ITIH5: variants seen among roughly 807,000 people sequenced by gnomAD.
ITIH5 encodes the protein inter-alpha-trypsin inhibitor heavy chain H5.
A neutral mutation model predicts 77.5 loss-of-function variants in ITIH5; 65 were observed. The ratio of observed to expected loss-of-function variants is 0.84; its 90% CI spans 0.69 to 1.03. ITIH5 has a LOEUF of 1.03. Among genes scored for constraint, ITIH5 ranks in the 50% least tolerant of loss-of-function variants. The pLI is 0.00. For missense variants in ITIH5, 1,208 were observed against 1,213.1 expected (o/e 1.00, Z 0.06); for synonymous variants, 525 against 494.3 (o/e 1.06, Z -0.82).
intron 5 of ITIH5, among the ~76,000 whole-genome samples, chr10:7,625,457 G>T (rs1833560409): frequency 6.6e-6 from 1 of 152,128 alleles, no homozygotes; most frequent in Non-Finnish European, 1.5e-5. Flanking sequence ...ACTTAACACT[G>T]CCAAACACTT....
At position 7,641,980 on chromosome 10, in the gene ITIH5, G is replaced by A; in HGVS notation, c.246C>T (p.Asp82=). ...CTGGAATCTGCATCTGGAACTCAAT[G>A]TCCTGGTCTTCAGAAGCTCTGTTCA... ...RMLNRASEDQ[D]IEFQMQIPAA... The change falls in exon 3 of 14, where the codon GAC becomes GAT. Residue 82 remains aspartate, a synonymous_variant. Transcript: ENST00000397146. 3 of 1,614,084 alleles carry A rather than the reference G, an allele frequency of 1.9e-6. No individual in the cohort carries two copies. Among genetic ancestry groups the A allele is most frequent in the Admixed American group, 1.7e-5 (1 of 60,032 alleles).
chr10:7,597,044 C>CAAAAAAAAAAACAAAA (rs1832914713), intron 7 of ITIH5, among the ~76,000 whole-genome samples: 1 of 36,920 alleles, frequency 2.7e-5, no homozygotes, highest in Non-Finnish European at 6.3e-5. Context: ...GTCTCCAACT[C>CAAAAAAAAAAACAAAA]AAAAAAAAAA....
intron 7 of ITIH5, among the ~76,000 whole-genome samples, chr10:7,587,289 A>G (rs1276115273): frequency 2.6e-5 from 4 of 152,234 alleles, no homozygotes; most frequent in Non-Finnish European, 5.9e-5. Flanking sequence ...GAAATACTCT[A>G]GGGGCCTAGA....
At chr10:7,626,411 C>T (rs1833579473) in intron 5 of ITIH5, among the ~76,000 whole-genome samples, 1 of 152,178 alleles carries the variant, frequency 6.6e-6, no homozygotes, top group South Asian at 2.1e-4. Context: ...AAAACACAAC[C>T]AACTATGGGG....
intron 8 of ITIH5, among the ~76,000 whole-genome samples, chr10:7,580,789 A>C (rs554711155): frequency 6.6e-6 from 1 of 152,324 alleles, no homozygotes; most frequent in South Asian, 2.1e-4. Context: ...GTCTAGGGCT[A>C]GGTGGAGCTG....
intron 1 of ITIH5, among the ~76,000 whole-genome samples, chr10:7,657,457 G>C (rs2131110406): frequency 6.6e-6 from 1 of 151,070 alleles, no homozygotes; most frequent in South Asian, 2.1e-4. Context: ...ACAGAAAAGG[G>C]AAGAAAATAC....
intron 8 of ITIH5, among the ~76,000 whole-genome samples, 185 bp from the exon 9 acceptor site, chr10:7,580,249 T>C (rs1300054686): frequency 6.6e-6 from 1 of 152,136 alleles, no homozygotes; most frequent in Non-Finnish European, 1.5e-5. Context: ...GCCTCCCGAG[T>C]AGCTGGGATT....
At chr10:7,578,901 T>C (rs1460100406) in intron 9 of ITIH5, among the ~76,000 whole-genome samples, 1 of 152,250 alleles carries the variant, frequency 6.6e-6, no homozygotes, top group African/African-American at 2.4e-5. Context: ...AGATCTCATT[T>C]ATTCTCCACC....
chr10:7,577,247 A>G (rs1298960395), intron 9 of ITIH5, among the ~76,000 whole-genome samples: 2 of 152,004 alleles, frequency 1.3e-5, no homozygotes, highest in Admixed American at 1.3e-4. Context: ...TTTTTCAACC[A>G]CTCTCATGAT....
chr10:7,649,352 TTC>T (rs1266208154), intron 2 of ITIH5, among the ~76,000 whole-genome samples: 4 of 152,150 alleles, frequency 2.6e-5, no homozygotes, highest in Non-Finnish European at 5.9e-5. Flanking sequence ...TAGAAAGAGT[TTC>T]TATTTAGATC....
At chr10:7,656,017 T>C (rs934810021) in intron 1 of ITIH5, among the ~76,000 whole-genome samples, 3 of 152,188 alleles carry the variant, frequency 2.0e-5, no homozygotes, top group Non-Finnish European at 4.4e-5. Context: ...ATTTGGGGCC[T>C]CAAGTTAAAC....
chr10:7,645,344 C>G (rs1335084318), intron 2 of ITIH5, among the ~76,000 whole-genome samples: 1 of 151,958 alleles, frequency 6.6e-6, no homozygotes, highest in East Asian at 1.9e-4. Context: ...TTCAAAGTAG[C>G]GCTTCTCAAA....
rs779097410 is a variant in ITIH5, at chr10:7,566,039, C to T, written c.2518G>A (p.Gly840Arg). 6.2e-6 allele frequency: 10 copies of T among 1,613,536 alleles called. No individual in the cohort carries two copies. The highest frequency in any genetic ancestry group is 4.0e-5 in the African/African-American group (3 of 74,904). ...NSEGLSSNCH[G>R]LLGQFLNQDA... ...GAGCGCAGCTTCCTACCCAGCAGTC[C>T]GTGGCAGTTGCTGGAAAGGCCCTCG... Residue 840 changes from glycine (G) to arginine (R), a missense_variant, in exon 13 of 14, where the codon GGA (glycine) becomes AGA (arginine). Transcript: ENST00000397146.
chr10:7,572,162 C>T (rs987245811), intron 11 of ITIH5: 17 of 1,165,720 alleles, frequency 1.5e-5, no homozygotes, highest in African/African-American at 3.2e-5. Context: ...GCAGGCTGTG[C>T]GGACTCTATA....
chr10:7,577,145 C>A, intron 9 of ITIH5, 133 bp from the exon 10 acceptor site: 1 of 678,420 alleles, frequency 1.5e-6, no homozygotes, highest in East Asian at 2.8e-5. Context: ...AACATGGCAC[C>A]CCACACAATA....
intron 5 of ITIH5, among the ~76,000 whole-genome samples, chr10:7,632,323 G>A (rs571340062): frequency 2.6e-4 from 40 of 152,264 alleles, no homozygotes; most frequent in South Asian, 2.1e-3. Flanking sequence ...CTGCAAATGG[G>A]TACAGGGATC....
chr10:7,562,816 C>G lies in ITIH5; in HGVS notation c.*267G>C. The G allele has an allele frequency of 2.0e-6, 1 of 511,196 alleles. No homozygotes were observed. The highest frequency in any genetic ancestry group is 3.5e-6 in the Non-Finnish European group (1 of 282,104). 31.7% of individuals were successfully genotyped at this position (511,196 alleles called of 1,614,324 possible). A position where few individuals can be genotyped will look rare whatever the true frequency, so the allele number is the denominator to read the frequency against. Reference sequence around the variant, plus strand: ...AGACTTTGTTGCATTTAGCTATGACCCTTCTCTCCCCTCTGTGGATGTGGG... The same window carrying G: ...AGACTTTGTTGCATTTAGCTATGACGCTTCTCTCCCCTCTGTGGATGTGGG... On this transcript the variant is annotated 3_prime_UTR_variant, in exon 14 of 14. Transcript: ENST00000397146.
intron 7 of ITIH5, among the ~76,000 whole-genome samples, chr10:7,597,836 G>T (rs1832937392): frequency 6.6e-6 from 1 of 152,102 alleles, no homozygotes; most frequent in Admixed American, 6.5e-5. Context: ...GTTACATTCT[G>T]CAGGTCATTC....
chr10:7,597,063 A>AAAAAAAAAAAAAT (rs750714870), intron 7 of ITIH5, among the ~76,000 whole-genome samples: 4 of 142,648 alleles, frequency 2.8e-5, no homozygotes, highest in Non-Finnish European at 6.2e-5. Context: ...AAAAAAAAAA[A>AAAAAAAAAAAAAT]ATTCCACCAA....
Sources: allele counts gnomAD v4.1 joint callset (sites outside exome capture counted in the v4.1 genomes callset), GRCh38; gene constraint gnomAD v4.1.1; transcripts MANE v1.5; gene names NCBI Gene and HGNC (gene_info 2026-07-23, HGNC 2026-07-21).